Variants in SMIM35 observed in about 807,000 individuals in gnomAD.
SMIM35 encodes TMPRSS4 antisense RNA 1 (non-protein coding).
chr11:118,059,169 G>A (rs1944360023), intron 1 of SMIM35: 1 of 152,394 alleles, frequency 6.6e-6, no homozygotes, highest in African/African-American at 2.4e-5. Flanking sequence ...ACATCTTCAA[G>A]CTCCCGGCCA....
intron 1 of SMIM35, among the ~76,000 whole-genome samples, chr11:118,070,855 C>T (rs1944560207): frequency 6.6e-6 from 1 of 152,020 alleles, no homozygotes. Flanking sequence ...CTGCAGAAGC[C>T]AGTGTAGGCC....
intron 1 of SMIM35, among the ~76,000 whole-genome samples, chr11:118,066,630 T>C (rs1944478493): frequency 6.6e-6 from 1 of 152,102 alleles, no homozygotes; most frequent in South Asian, 2.1e-4. Flanking sequence ...TAATACACCC[T>C]GAAAGACAGA....
rs1024925512 is a variant in SMIM35, at chr11:118,005,722, A to T, written c.*688T>A. On this transcript the variant is annotated 3_prime_UTR_variant, in exon 5 of 5. Coordinates refer to ENST00000689828, the MANE Select transcript of SMIM35 (RefSeq NM_001394165.1). ...TCACTTGTCACCACCTCCCACTGTC[A>T]TCTGGTCAAATTCATCTTCACCTCT... The T allele has an allele frequency of 6.6e-6, 1 of 152,614 alleles. No individual in the cohort carries two copies. The highest frequency in any genetic ancestry group is 1.5e-5 in the Non-Finnish European group (1 of 68,262). The allele number at this position is 152,614 out of a possible 1,614,324, so 9.5% of individuals were successfully genotyped here.
chr11:118,047,134 C>A (rs905156314), intron 1 of SMIM35, among the ~76,000 whole-genome samples: 1 of 152,146 alleles, frequency 6.6e-6, no homozygotes, highest in Non-Finnish European at 1.5e-5. Context: ...CACCCCAATG[C>A]GGTGACCTTG....
chr11:118,022,372 ATCT>A (rs2058238176), intron 1 of SMIM35, among the ~76,000 whole-genome samples: 1 of 152,138 alleles, frequency 6.6e-6, no homozygotes, highest in Non-Finnish European at 1.5e-5. Flanking sequence ...TAGTAAGTAA[ATCT>A]CAATAAATTT....
chr11:118,042,491 CA>C, intron 1 of SMIM35, among the ~76,000 whole-genome samples: 1 of 152,074 alleles, frequency 6.6e-6, no homozygotes, highest in Admixed American at 6.5e-5. Flanking sequence ...AAGAAAAACC[CA>C]AGCCTAATTA....
At chr11:118,083,986 C>A (rs560068103) in intron 1 of SMIM35, among the ~76,000 whole-genome samples, 1 of 151,996 alleles carries the variant, frequency 6.6e-6, no homozygotes, top group South Asian at 2.1e-4. Flanking sequence ...TGCAGTGAGC[C>A]GAGACAGCGC....
At chr11:118,016,541 G>A (rs2058184860) in intron 1 of SMIM35, among the ~76,000 whole-genome samples, 2 of 152,160 alleles carry the variant, frequency 1.3e-5, no homozygotes, top group Admixed American at 1.3e-4. Flanking sequence ...CCAGGAGTGT[G>A]GAAGAATGGA....
At chr11:118,012,816 C>G (rs906778885) in intron 4 of SMIM35, among the ~76,000 whole-genome samples, 3 of 152,174 alleles carry the variant, frequency 2.0e-5, no homozygotes, top group African/African-American at 7.2e-5. Context: ...TCTGGAATCA[C>G]CTCTGTATAA....
At chr11:118,037,569 T>C (rs1943925282) in intron 1 of SMIM35, among the ~76,000 whole-genome samples, 1 of 152,142 alleles carries the variant, frequency 6.6e-6, no homozygotes, top group Non-Finnish European at 1.5e-5. Context: ...TAACAGCATC[T>C]TTCCCCTAAA....
intron 4 of SMIM35, among the ~76,000 whole-genome samples, chr11:118,011,128 T>G (rs1049218717): frequency 6.6e-6 from 1 of 152,034 alleles, no homozygotes; most frequent in Non-Finnish European, 1.5e-5. Context: ...AGAGGGTGCG[T>G]CAGAGGGCCC....
chr11:118,083,345 C>T (rs1009690155), intron 1 of SMIM35, among the ~76,000 whole-genome samples: 13 of 152,212 alleles, frequency 8.5e-5, no homozygotes, highest in Admixed American at 4.6e-4. Context: ...GTGTTCCACC[C>T]TCTCTTCCGA....
chr11:118,082,449 G>A (rs931677826), intron 1 of SMIM35, among the ~76,000 whole-genome samples: 6 of 151,880 alleles, frequency 4.0e-5, no homozygotes, highest in Admixed American at 2.0e-4. Context: ...TAATCCCAGC[G>A]ACTCGGGAAG....
chr11:118,032,709 C>T lies in SMIM35; in HGVS notation c.8-16900G>A, dbSNP rs145757554. Among the ~76,000 whole-genome samples the T allele has an allele frequency of 6.0e-3, 907 of 152,188 alleles. 8 individuals carry two copies. The highest frequency in any genetic ancestry group is 0.02 in the African/African-American group (840 of 41,514). On this transcript the variant is annotated intron_variant, in intron 1 of 4. Coordinates refer to ENST00000689828, the MANE Select transcript of SMIM35 (RefSeq NM_001394165.1). ...ATCACTTGCGGTCAGGAGTTTGAGA[C>T]CAGCCTGGTCAACATGGTGAAACCC...
chr11:118,022,567 T>C (rs1029568289), intron 1 of SMIM35, among the ~76,000 whole-genome samples: 8 of 152,102 alleles, frequency 5.3e-5, no homozygotes, highest in Non-Finnish European at 8.8e-5. Flanking sequence ...CTGAATGATA[T>C]TGAAAACACA....
At chr11:118,065,033 TC>T (rs1944450133) in intron 1 of SMIM35, among the ~76,000 whole-genome samples, 1 of 152,162 alleles carries the variant, frequency 6.6e-6, no homozygotes, top group Admixed American at 6.5e-5. Context: ...GATCCAGATA[TC>T]CCAACTCAGA....
intron 1 of SMIM35, among the ~76,000 whole-genome samples, chr11:118,085,188 AAGTTGTTCTAC>A (rs1945447708): frequency 6.6e-6 from 1 of 151,600 alleles, no homozygotes; most frequent in South Asian, 2.1e-4. Flanking sequence ...ACTTGCTCAA[AAGTTGTTCTAC>A]AGATGGAGGA....
chr11:118,074,644 G>A (rs1944625341), intron 1 of SMIM35, among the ~76,000 whole-genome samples: 1 of 152,058 alleles, frequency 6.6e-6, no homozygotes, highest in Admixed American at 6.5e-5. Context: ...CTACTTGGGG[G>A]ACTGAGGCGG....
chr11:118,050,587 C>A (rs1944195730), intron 1 of SMIM35, among the ~76,000 whole-genome samples: 1 of 152,236 alleles, frequency 6.6e-6, no homozygotes, highest in Admixed American at 6.5e-5. Flanking sequence ...GGCGGTCACC[C>A]ATCCTGAGCA....
Sources: allele counts gnomAD v4.1 joint callset (sites outside exome capture counted in the v4.1 genomes callset), GRCh38; gene constraint gnomAD v4.1.1; transcripts MANE v1.5; gene names NCBI Gene and HGNC (gene_info 2026-07-23, HGNC 2026-07-21).